Variants in FMN2 observed in about 807,000 individuals in gnomAD.
FMN2 encodes formin 2, also known as formin-2.
FMN2 carries 51 observed loss-of-function variants against 142.3 expected under a neutral mutation model. The ratio of observed to expected loss-of-function variants is 0.36; its 90% CI spans 0.29 to 0.45. The LOEUF is 0.45. Among genes scored for constraint, FMN2 ranks in the 20% least tolerant of loss-of-function variants. The pLI is 1.00. For synonymous variants in FMN2, 882 were observed against 869.8 expected, an observed-to-expected ratio of 1.01 and a Z score of -0.25; for missense variants, 1,936 against 2,122.8, an observed-to-expected ratio of 0.91 and a Z score of 1.73.
intron 13 of FMN2, 113 bp from the exon 14 acceptor site, chr1:240,355,703 T>C: frequency 1.6e-6 from 1 of 640,252 alleles, no homozygotes; most frequent in Non-Finnish European, 2.8e-6. Context: ...GCAGAACATA[T>C]GCTGATTAGG....
Position 240,092,763 on chromosome 1 carries a change from G to A in FMN2, c.654G>A (p.Gln218=). 5 of 1,610,404 alleles carry A rather than the reference G, an allele frequency of 3.1e-6. No homozygotes were observed. The highest frequency in any genetic ancestry group is 4.2e-6 in the Non-Finnish European group (5 of 1,178,750). The part of the protein sequence containing the change: ...QQQQQLQLQL[Q]QQQQQQQLQG... ...AGCAGCAGCTCCAGCTCCAGCTCCA[G>A]CAACAGCAGCAGCAGCAGCAGCTCC... Residue 218 remains glutamine, a synonymous_variant, in exon 1 of 18, where the codon CAG becomes CAA. Coordinates refer to ENST00000319653, the MANE Select transcript of FMN2 (RefSeq NM_020066.5).
At position 240,231,385 on chromosome 1, in the gene FMN2, T is replaced by C. The variant is rs1667518635; in HGVS notation, c.4065+20150T>C. ...AAATCTGATCATTATAAAATGCAGA[T>C]GAAGAAGATCAAATGGCAAGGTGGT... On this transcript the variant is annotated intron_variant, in intron 6 of 17. Coordinates refer to ENST00000319653, the MANE Select transcript of FMN2 (RefSeq NM_020066.5). 2.0e-5 allele frequency among the ~76,000 whole-genome samples: 2 copies of C among 98,444 alleles called. 1 individual carries two copies. Among genetic ancestry groups the C allele is most frequent in the Non-Finnish European group, 4.1e-5 (2 of 48,274 alleles). 64.6% of individuals were successfully genotyped at this position (98,444 alleles called of 152,430 possible).
chr1:240,419,675 G>T (rs1427851933), intron 15 of FMN2, among the ~76,000 whole-genome samples: 4 of 152,154 alleles, frequency 2.6e-5, no homozygotes, highest in Admixed American at 2.6e-4. Context: ...TCTACTGAGT[G>T]ATGGCTGCAG....
At chr1:240,367,673 C>T (rs1672722079) in intron 14 of FMN2, among the ~76,000 whole-genome samples, 1 of 141,770 alleles carries the variant, frequency 7.1e-6, no homozygotes, top group African/African-American at 2.6e-5. Context: ...GAGGCTGAGG[C>T]AAAAGAATGG....
At chr1:240,272,100 G>GTTTA (rs1669037108) in intron 7 of FMN2, among the ~76,000 whole-genome samples, 1 of 152,046 alleles carries the variant, frequency 6.6e-6, no homozygotes, top group Non-Finnish European at 1.5e-5. Context: ...TTGTTTATTT[G>GTTTA]TTTGTTTGTT....
In FMN2 at chr1:240,211,655, A is replaced by C. The variant is rs574406788; in HGVS notation, c.4065+420A>C. 3.4e-4 allele frequency among the ~76,000 whole-genome samples: 52 copies of C among 152,344 alleles called. No homozygotes were observed. In the South Asian group the frequency reaches 0.011, roughly 32 times the overall value. ...AATGTGTTTGGTATTTTGTTGCATT[A>C]TATCTGAAGTGGATGCCATTAGAAT... On this transcript the variant is annotated intron_variant, in intron 6 of 17. Coordinates refer to ENST00000319653, the MANE Select transcript of FMN2 (RefSeq NM_020066.5).
chr1:240,148,708 C>T (rs1413811911), intron 2 of FMN2, among the ~76,000 whole-genome samples: 4 of 152,156 alleles, frequency 2.6e-5, no homozygotes, highest in African/African-American at 7.2e-5. Context: ...TGGCCAGGTG[C>T]AGTGGCTCGC....
chr1:240,294,920 A>T, intron 8 of FMN2, 37 bp downstream of exon 8: 1 of 1,556,220 alleles, frequency 6.4e-7, no homozygotes, highest in Non-Finnish European at 8.9e-7. Flanking sequence ...TGAGTATATA[A>T]TATGTACACA....
At chr1:240,441,144 G>A (rs28607866) in intron 16 of FMN2, among the ~76,000 whole-genome samples, 20,541 of 151,690 alleles carry the variant, frequency 0.14, 1,939 homozygotes, top group East Asian at 0.31. Context: ...ACAGGTGCCC[G>A]CCTCCATGCC....
intron 6 of FMN2, among the ~76,000 whole-genome samples, chr1:240,235,203 A>C (rs1667661698): frequency 6.6e-6 from 1 of 152,236 alleles, no homozygotes; most frequent in African/African-American, 2.4e-5. Context: ...CGATAAATCA[A>C]GAGTGACTTC....
At chr1:240,376,609 TTTATA>T (rs1312512691) in intron 14 of FMN2, among the ~76,000 whole-genome samples, 4 of 152,098 alleles carry the variant, frequency 2.6e-5, no homozygotes, top group Non-Finnish European at 5.9e-5. Context: ...TTACATAGTA[TTTATA>T]TTATATTACA....
intron 14 of FMN2, among the ~76,000 whole-genome samples, chr1:240,376,889 G>A (rs2103076146): frequency 6.6e-6 from 1 of 152,064 alleles, no homozygotes; most frequent in Admixed American, 6.5e-5. Flanking sequence ...ATTTATCACA[G>A]TCTATCTTCA....
chr1:240,328,167 AAAAAAG>A (rs796164696), intron 8 of FMN2, among the ~76,000 whole-genome samples: 4 of 141,076 alleles, frequency 2.8e-5, no homozygotes, highest in South Asian at 2.3e-4. Flanking sequence ...AAAAAAAAAA[AAAAAAG>A]AAAAAGAAAA....
chr1:240,146,900 G>A (rs1447661893), intron 2 of FMN2, among the ~76,000 whole-genome samples: 2 of 152,056 alleles, frequency 1.3e-5, no homozygotes, highest in Non-Finnish European at 1.5e-5. Flanking sequence ...GATAGAATGG[G>A]AATTTCAGAC....
intron 13 of FMN2, among the ~76,000 whole-genome samples, chr1:240,345,680 G>A (rs951517195): frequency 6.6e-6 from 1 of 151,878 alleles, no homozygotes; most frequent in Non-Finnish European, 1.5e-5. Flanking sequence ...ACAGGGTTTC[G>A]CTGTGTTGGC....
At chr1:240,183,504 G>T (rs1049889160) in intron 3 of FMN2, among the ~76,000 whole-genome samples, 9 of 147,442 alleles carry the variant, frequency 6.1e-5, no homozygotes, top group African/African-American at 2.0e-4. Context: ...ATAATATATT[G>T]AATATTATAT....
In FMN2 at chr1:240,145,378, C is replaced by T. The variant is rs761968642; in HGVS notation, c.1782+22033C>T. 10 of 553,524 alleles carry T rather than the reference C, an allele frequency of 1.8e-5. 1 individual carries two copies. Among genetic ancestry groups the T allele is most frequent in the South Asian group, 9.0e-5 (3 of 33,416 alleles). The allele number at this position is 553,524 out of a possible 1,614,324, so 34.3% of individuals were successfully genotyped here. On this transcript the variant is annotated intron_variant, in intron 2 of 17. Transcript: ENST00000319653. The stretch of plus-strand genomic sequence containing the variant: ...TGTCCCATCCTCCCTCCTCCATCTC[C>T]GCTGCCACTGCCCTTTATTTTTTAA...
chr1:240,440,122 C>CT (rs1185418617), intron 16 of FMN2, among the ~76,000 whole-genome samples: 1 of 152,200 alleles, frequency 6.6e-6, no homozygotes, highest in African/African-American at 2.4e-5. Flanking sequence ...ATCAGGTAAG[C>CT]AAGTGCATCG....
At chr1:240,107,238 G>T (rs1282175930) in intron 1 of FMN2, among the ~76,000 whole-genome samples, 2 of 152,082 alleles carry the variant, frequency 1.3e-5, no homozygotes, top group Admixed American at 1.3e-4. Context: ...TTAAAATAGA[G>T]ACTGAGTGAA....
Sources: gnomAD v4.1 joint callset for allele counts (sites outside exome capture counted in the v4.1 genomes callset) on GRCh38, gnomAD v4.1.1 for gene constraint, MANE v1.5 for transcripts, NCBI Gene and HGNC (gene_info 2026-07-23, HGNC 2026-07-21) for gene names.